Variants in GLP1R observed in about 807,000 individuals in gnomAD.
The protein encoded by GLP1R is glucagon-like peptide 1 receptor.
Under a neutral mutation model 68.4 loss-of-function variants are expected in GLP1R, and 32 were observed. The observed-to-expected ratio is 0.47, with a 90% CI of 0.35 to 0.63. GLP1R has a LOEUF of 0.63. GLP1R is among the 20% of genes least tolerant of loss of function. The probability of loss-of-function intolerance (pLI) is 0.00; values close to 1 mark genes in which losing one functional copy is unlikely to be tolerated. For missense variants in GLP1R, 502 were observed against 594.9 expected (o/e 0.84, Z 1.62); for synonymous variants, 263 against 244.4 (o/e 1.08, Z -0.71).
At chr6:39,059,151 G>A (rs182658083) in intron 3 of GLP1R, among the ~76,000 whole-genome samples, 6 of 152,348 alleles carry the variant, frequency 3.9e-5, no homozygotes, top group Admixed American at 1.3e-4. Context: ...AGGAGCCTGG[G>A]CCCATCAGTG....
rs1000184256 is a variant in GLP1R, at chr6:39,049,340, C to G, written c.78+422C>G. ...CACAGTCTGACCCAGACCCCTCTCC[C>G]GCAGTGCCTCCCCAGACAATCCACC... On this transcript the variant is annotated intron_variant, in intron 1 of 12. Transcript: ENST00000373256. The surrounding 1 kb of genome is among the most constrained non-coding windows in gnomAD (Gnocchi z 4.5). Among the ~76,000 whole-genome samples, 1 of 152,196 alleles carries G rather than the reference C, an allele frequency of 6.6e-6. No individual in the cohort carries two copies. Among genetic ancestry groups the G allele is most frequent in the African/African-American group, 2.4e-5 (1 of 41,458 alleles).
At chr6:39,082,037 C>G (rs562201753) in intron 12 of GLP1R, among the ~76,000 whole-genome samples, 3 of 152,124 alleles carry the variant, frequency 2.0e-5, no homozygotes, top group Non-Finnish European at 4.4e-5. Context: ...ACTATTAGAT[C>G]AGTATTCAGT....
At position 39,049,054 on chromosome 6, in the gene GLP1R, G is replaced by A. The variant is rs1481902088; in HGVS notation, c.78+136G>A. On this transcript the variant is annotated intron_variant, in intron 1 of 12. Transcript: ENST00000373256. This position sits in a 1 kb window ranked among gnomAD's most constrained non-coding sequence, Gnocchi z 4.5. ...GGCGGGGGCATCCGAAAGCCTCGGG[G>A]GGAGTAGGGACTGGAGACTTGGTGC... 1.9e-5 allele frequency: 9 copies of A among 484,190 alleles called. No homozygotes were observed. The highest frequency in any genetic ancestry group is 2.9e-5 in the Non-Finnish European group (8 of 277,018). The allele number at this position is 484,190 out of a possible 1,614,324, so 30.0% of individuals were successfully genotyped here.
chr6:39,067,014 T>C (rs1768537050), intron 5 of GLP1R, among the ~76,000 whole-genome samples: 1 of 152,186 alleles, frequency 6.6e-6, no homozygotes, highest in Admixed American at 6.5e-5. Flanking sequence ...TTATGAATTA[T>C]TCCAGTGATT....
intron 1 of GLP1R, among the ~76,000 whole-genome samples, chr6:39,051,973 G>A (rs1410732648): frequency 1.3e-5 from 2 of 151,722 alleles, no homozygotes; most frequent in African/African-American, 4.8e-5. Flanking sequence ...GTGTGCATGT[G>A]AGAGTGTCTG....
At chr6:39,073,921 G>A in intron 7 of GLP1R, 152 bp downstream of exon 7, 1 of 660,942 alleles carries the variant, frequency 1.5e-6, no homozygotes, top group Admixed American at 2.7e-5. Context: ...CTGCCCCGGT[G>A]CTGTTAAGAT....
Position 39,080,724 on chromosome 6 carries a change from C to T in GLP1R, c.1209C>T (p.Cys403=). The change falls in exon 12 of 13, where the codon TGC becomes TGT. Residue 403 remains cysteine, a synonymous_variant. Coordinates refer to ENST00000373256, the MANE Select transcript of GLP1R (RefSeq NM_002062.5). ...FQGLMVAILY[C]FVNNEVQLEF... ...GGCTGATGGTGGCCATATTATACTGCTTTGTCAACAATGAGGTAAGCTCTG... is the reference window on the plus strand; with the variant it reads ...GGCTGATGGTGGCCATATTATACTGTTTTGTCAACAATGAGGTAAGCTCTG... 6.3e-7 allele frequency: 1 copy of T among 1,596,786 alleles called. No individual in the cohort carries two copies. The highest frequency in any genetic ancestry group is 1.7e-4 in the Middle Eastern group (1 of 5,924).
At position 39,063,926 on chromosome 6, in the gene GLP1R, AACACACACAC is replaced by A. The variant is rs530782175; in HGVS notation, c.284-1758_284-1749del. On this transcript the variant is annotated intron_variant, in intron 3 of 12. Coordinates refer to ENST00000373256, the MANE Select transcript of GLP1R (RefSeq NM_002062.5). The stretch of plus-strand genomic sequence containing the variant: ...CACACACACACACACACAGACACAT[AACACACACAC>A]ACACACACACACACACACACACACA... 7.6e-4 allele frequency among the ~76,000 whole-genome samples: 99 copies of A among 130,266 alleles called. 1 individual carries two copies. Among genetic ancestry groups the A allele is most frequent in the Non-Finnish European group, 1.3e-3 (81 of 62,902 alleles). 85.5% of individuals were successfully genotyped at this position (130,266 alleles called of 152,430 possible). A position where few individuals can be genotyped will look rare whatever the true frequency, so the allele number is the denominator to read the frequency against.
chr6:39,068,038 G>A (rs965238264), intron 5 of GLP1R, among the ~76,000 whole-genome samples: 1 of 152,038 alleles, frequency 6.6e-6, no homozygotes, highest in Non-Finnish European at 1.5e-5. Context: ...GCCAGAGATT[G>A]GAGACCAGCC....
chr6:39,079,228 G>A lies in GLP1R; in HGVS notation c.1043+28G>A, dbSNP rs775831860. 6.7e-7 allele frequency: 1 copy of A among 1,493,294 alleles called. No homozygotes were observed. The highest frequency in any genetic ancestry group is 9.3e-7 in the Non-Finnish European group (1 of 1,069,616). The allele number at this position is 1,493,294 out of a possible 1,614,324, so 92.5% of individuals were successfully genotyped here. On this transcript the variant is annotated intron_variant, in intron 10 of 12. Coordinates refer to ENST00000373256, the MANE Select transcript of GLP1R (RefSeq NM_002062.5). The surrounding 1 kb of genome is among the most constrained non-coding windows in gnomAD (Gnocchi z 4.5). Reference sequence around the variant, plus strand: ...GATGTAACTGAGCTGGCTTTACTGAGGACCCTCAGCAAGTGCCCCTTTCCT... The same window carrying A: ...GATGTAACTGAGCTGGCTTTACTGAAGACCCTCAGCAAGTGCCCCTTTCCT...
In GLP1R at chr6:39,085,958, A is replaced by C. The variant is rs1158382194; in HGVS notation, c.1277A>C (p.His426Pro). The change falls in exon 13 of 13, where the codon CAC becomes CCC. Residue 426 changes from histidine to proline, a missense_variant. Coordinates refer to ENST00000373256, the MANE Select transcript of GLP1R (RefSeq NM_002062.5). Reference sequence around the variant, plus strand: ...GAGCGCTGGCGGCTTGAGCACTTGCACATCCAGAGGGACAGCAGCATGAAG... The same window carrying C: ...GAGCGCTGGCGGCTTGAGCACTTGCCCATCCAGAGGGACAGCAGCATGAAG... ...SWERWRLEHLHIQRDSSMKPL... is the reference protein window; with the variant it reads ...SWERWRLEHLPIQRDSSMKPL... The C allele has an allele frequency of 6.2e-7, 1 of 1,613,952 alleles. No individual in the cohort carries two copies. The highest frequency in any genetic ancestry group is 2.2e-5 in the East Asian group (1 of 44,880).
chr6:39,086,014 A>G lies in GLP1R; in HGVS notation c.1333A>G (p.Ser445Gly). ...PLKCPTSSLS[S>G]GATAGSSMYT... ...CAAGTGTCCCACCAGCAGCCTGAGC[A>G]GTGGAGCCACGGCGGGCAGCAGCAT... The change falls in exon 13 of 13, where the codon AGT becomes GGT. Residue 445 changes from serine (S) to glycine (G), a missense_variant. Coordinates refer to ENST00000373256, the MANE Select transcript of GLP1R (RefSeq NM_002062.5). This position sits in a 1 kb window ranked among gnomAD's most constrained non-coding sequence, Gnocchi z 4.5. 1 of 1,614,086 alleles carries G rather than the reference A, an allele frequency of 6.2e-7. No individual in the cohort carries two copies. The highest frequency in any genetic ancestry group is 2.2e-5 in the East Asian group (1 of 44,880).
rs776419362 is a variant in GLP1R at position 39,073,799 on chromosome 6, T to C, written c.823+30T>C. On this transcript the variant is annotated intron_variant, in intron 7 of 12. Transcript: ENST00000373256. The stretch of plus-strand genomic sequence containing the variant: ...GAACCGCCATCACCCACCCTGGACC[T>C]GTGGCACGGGGGTGGGAGACCTTGA... 11 of 1,603,372 alleles carry C rather than the reference T, an allele frequency of 6.9e-6. No individual in the cohort carries two copies. The Middle Eastern group carries it at 5.0e-4, about 72-fold the overall frequency.
chr6:39,073,022 G>C lies in GLP1R; in HGVS notation c.663+7G>C. On this transcript the variant is annotated splice_region_variant and intron_variant, in intron 6 of 12. Transcript: ENST00000373256. ...TGGGCTCCTCTCCTACCAGGTGTGT[G>C]GTGCATCCAGGACCGCCTCAGGAGG... 6.2e-7 allele frequency: 1 copy of C among 1,613,150 alleles called. No homozygotes were observed. The highest frequency in any genetic ancestry group is 8.5e-7 in the Non-Finnish European group (1 of 1,179,540).
In GLP1R at chr6:39,086,018, G is replaced by A; in HGVS notation, c.1337G>A (p.Gly446Glu). Reference sequence around the variant, plus strand: ...TGTCCCACCAGCAGCCTGAGCAGTGGAGCCACGGCGGGCAGCAGCATGTAC... The same window carrying A: ...TGTCCCACCAGCAGCCTGAGCAGTGAAGCCACGGCGGGCAGCAGCATGTAC... ...LKCPTSSLSS[G>E]ATAGSSMYTA... Residue 446 changes from glycine to glutamate, a missense_variant, in exon 13 of 13, where the codon GGA becomes GAA. Physicochemically the swap from Gly to Glu is moderately conservative, Grantham distance 98. Coordinates refer to ENST00000373256, the MANE Select transcript of GLP1R (RefSeq NM_002062.5). This position sits in a 1 kb window ranked among gnomAD's most constrained non-coding sequence, Gnocchi z 4.5. 1 of 1,614,068 alleles carries A rather than the reference G, an allele frequency of 6.2e-7. No homozygotes were observed. Among genetic ancestry groups the A allele is most frequent in the Non-Finnish European group, 8.5e-7 (1 of 1,179,960 alleles).
intron 5 of GLP1R, among the ~76,000 whole-genome samples, chr6:39,071,909 C>G (rs1397224341): frequency 1.3e-5 from 2 of 152,084 alleles, no homozygotes; most frequent in Admixed American, 1.3e-4. Context: ...ATCTATCTCC[C>G]ACTAGTTTAA....
In GLP1R at chr6:39,073,542, G is replaced by A. The variant is rs560111977; in HGVS notation, c.664-68G>A. On this transcript the variant is annotated intron_variant, in intron 6 of 12. Coordinates refer to ENST00000373256, the MANE Select transcript of GLP1R (RefSeq NM_002062.5). ...GGCAGGATAGTGGCTGGAGCAGGAC[G>A]GGGAGTGGTATCAAGAGAGGCAGAG... The A allele has an allele frequency of 2.5e-4, 336 of 1,354,754 alleles. 2 individuals are homozygous for A. The highest frequency in any genetic ancestry group is 2.1e-3 in the African/African-American group (151 of 70,288). 83.9% of individuals were successfully genotyped at this position (1,354,754 alleles called of 1,614,324 possible).
intron 1 of GLP1R, among the ~76,000 whole-genome samples, chr6:39,050,378 G>A (rs1297565618): frequency 6.6e-6 from 1 of 152,170 alleles, no homozygotes; most frequent in Non-Finnish European, 1.5e-5. Flanking sequence ...GGTCTGGTTT[G>A]AATGAAGGGA....
rs771419205 is a variant in GLP1R at position 39,064,821 on chromosome 6, T to C, written c.284-890T>C. Reference sequence around the variant, plus strand: ...TTTGATCTCTGTTAGTTTCCATCTATGCTCTTCCTTTCTCAGGTCTTTTTT... The same window carrying C: ...TTTGATCTCTGTTAGTTTCCATCTACGCTCTTCCTTTCTCAGGTCTTTTTT... On this transcript the variant is annotated intron_variant, in intron 3 of 12. Transcript: ENST00000373256. Among the ~76,000 whole-genome samples the C allele has an allele frequency of 1.9e-4, 29 of 152,236 alleles. 1 individual carries two copies. Among genetic ancestry groups the C allele is most frequent in the Admixed American group, 1.3e-3 (20 of 15,290 alleles).
Sources: gnomAD v4.1 joint callset for allele counts (sites outside exome capture counted in the v4.1 genomes callset) on GRCh38, gnomAD v4.1.1 for gene constraint, Gnocchi (gnomAD v3.1) non-coding constraint, MANE v1.5 for transcripts, NCBI Gene and HGNC (gene_info 2026-07-23, HGNC 2026-07-21) for gene names.